CHCHD3: variants seen among roughly 807,000 people sequenced by gnomAD.
CHCHD3 encodes the protein coiled-coil-helix-coiled-coil-helix domain containing 3, also known as MICOS complex subunit MIC19.
Under a neutral mutation model 38.2 loss-of-function variants are expected in CHCHD3, and 20 were observed. The observed-to-expected ratio is 0.52, with a 90% CI of 0.37 to 0.76. The LOEUF is 0.76. Ranked by LOEUF, CHCHD3 falls within the 30% of genes least tolerant of loss-of-function variation. CHCHD3 has a pLI of 0.00. For synonymous variants in CHCHD3, 82 were observed against 100.0 expected, an observed-to-expected ratio of 0.82 and a Z score of 1.07; for missense variants, 245 against 279.2, an observed-to-expected ratio of 0.88 and a Z score of 0.87.
intron 2 of CHCHD3, among the ~76,000 whole-genome samples, chr7:133,040,636 GTCAAAAAAGTA>G (rs1813807567): frequency 6.6e-6 from 1 of 151,924 alleles, no homozygotes; most frequent in Non-Finnish European, 1.5e-5. Flanking sequence ...ATTGTTCTTT[GTCAAAAAAGTA>G]TACAAGCATC....
At chr7:132,951,681 C>G (rs1169070144) in intron 4 of CHCHD3, among the ~76,000 whole-genome samples, 1 of 152,134 alleles carries the variant, frequency 6.6e-6, no homozygotes, top group African/African-American at 2.4e-5. Flanking sequence ...TGTCGCTAAG[C>G]TATAGGACTG....
chr7:132,920,736 T>C (rs1345472059), intron 4 of CHCHD3, among the ~76,000 whole-genome samples: 1 of 152,204 alleles, frequency 6.6e-6, no homozygotes, highest in Non-Finnish European at 1.5e-5. Context: ...AGGCTTGCTA[T>C]GCCTCAAAAT....
chr7:132,936,631 T>C (rs1211614388), intron 4 of CHCHD3, among the ~76,000 whole-genome samples: 2 of 152,222 alleles, frequency 1.3e-5, no homozygotes, highest in African/African-American at 4.8e-5. Flanking sequence ...AGAAACCACA[T>C]GCTGTGTTCT....
chr7:132,854,642 G>A (rs930329725), intron 5 of CHCHD3, among the ~76,000 whole-genome samples: 3 of 152,076 alleles, frequency 2.0e-5, no homozygotes, highest in African/African-American at 7.2e-5. Flanking sequence ...ATTTATTATT[G>A]GTATCTCTGA....
chr7:132,808,722 T>A (rs1361909589), intron 6 of CHCHD3, among the ~76,000 whole-genome samples: 1 of 143,104 alleles, frequency 7.0e-6, no homozygotes, highest in African/African-American at 2.5e-5. Flanking sequence ...GTTCTTTTGT[T>A]GTTATTTATT....
At chr7:132,966,334 C>T (rs767683102) in intron 4 of CHCHD3, among the ~76,000 whole-genome samples, 16 of 152,106 alleles carry the variant, frequency 1.1e-4, no homozygotes, top group Non-Finnish European at 2.2e-4. Flanking sequence ...GGAATAGTTA[C>T]AAGATACATG....
chr7:133,066,707 C>A (rs1814680048), intron 2 of CHCHD3, among the ~76,000 whole-genome samples: 1 of 152,110 alleles, frequency 6.6e-6, no homozygotes, highest in African/African-American at 2.4e-5. Context: ...GCTCTTCGGG[C>A]CAGACACACC....
chr7:132,844,528 G>C (rs968275072), intron 5 of CHCHD3, among the ~76,000 whole-genome samples: 1 of 152,164 alleles, frequency 6.6e-6, no homozygotes, highest in Non-Finnish European at 1.5e-5. Context: ...CCAATGGTAC[G>C]GTTAATGTAA....
rs150816250 is a variant in CHCHD3, at chr7:132,971,786, C to T, written c.369+3383G>A. The stretch of plus-strand genomic sequence containing the variant: ...TCCTGCAGACTGCAACATTTGAGTT[C>T]TAAATAAAGAGGAACGAAGCAATGC... On this transcript the variant is annotated intron_variant, in intron 4 of 7. Coordinates refer to ENST00000262570, the MANE Select transcript of CHCHD3 (RefSeq NM_017812.4). Among the ~76,000 whole-genome samples the T allele has an allele frequency of 6.0e-3, 910 of 152,258 alleles. 6 individuals carry two copies. Among genetic ancestry groups the T allele is most frequent in the Non-Finnish European group, 9.1e-3 (616 of 68,008 alleles).
chr7:132,802,393 T>C (rs939995006), intron 6 of CHCHD3, among the ~76,000 whole-genome samples: 3 of 152,094 alleles, frequency 2.0e-5, no homozygotes, highest in African/African-American at 7.2e-5. Flanking sequence ...TCTTGGGATC[T>C]TGCCAACTGC....
intron 4 of CHCHD3, among the ~76,000 whole-genome samples, chr7:132,888,239 T>C (rs58277337): frequency 0.021 from 3,179 of 151,982 alleles, 134 homozygotes; most frequent in African/African-American, 0.072. Context: ...GGTAGACTTA[T>C]GGGCGGTATC....
At chr7:132,813,937 A>G (rs904005713) in intron 6 of CHCHD3, among the ~76,000 whole-genome samples, 2 of 152,236 alleles carry the variant, frequency 1.3e-5, no homozygotes, top group Non-Finnish European at 2.9e-5. Context: ...GGGGAGCAAC[A>G]GTCCACCCTA....
intron 4 of CHCHD3, among the ~76,000 whole-genome samples, chr7:132,888,802 T>G (rs1809284078): frequency 6.6e-6 from 1 of 151,806 alleles, no homozygotes; most frequent in Non-Finnish European, 1.5e-5. Flanking sequence ...AAATATTAAG[T>G]GAGAAAAAAA....
intron 6 of CHCHD3, among the ~76,000 whole-genome samples, chr7:132,809,844 CA>C (rs1807022883): frequency 6.6e-6 from 1 of 152,180 alleles, no homozygotes. Context: ...GCACTATCTA[CA>C]GCAGCGATAA....
intron 3 of CHCHD3, among the ~76,000 whole-genome samples, chr7:132,987,739 G>C (rs2117363110): frequency 6.6e-6 from 1 of 152,148 alleles, no homozygotes; most frequent in Non-Finnish European, 1.5e-5. Flanking sequence ...GTACCATGTA[G>C]AAACATTTTT....
At chr7:132,890,997 A>G (rs1462134764) in intron 4 of CHCHD3, among the ~76,000 whole-genome samples, 1 of 152,358 alleles carries the variant, frequency 6.6e-6, no homozygotes, top group South Asian at 2.1e-4. Flanking sequence ...TAAGAAAATT[A>G]TATGCTGACA....
chr7:132,989,749 G>A lies in CHCHD3; in HGVS notation c.252-14463C>T, dbSNP rs1584625955. 1.3e-5 allele frequency among the ~76,000 whole-genome samples: 2 copies of A among 152,100 alleles called. 1 individual carries two copies. The highest frequency in any genetic ancestry group is 1.3e-4 in the Admixed American group (2 of 15,272). ...AATTCACAACCAAAACTACCTAGGA[G>A]GAAATTACACAACACCACAAAGTAT... On this transcript the variant is annotated intron_variant, in intron 3 of 7. Coordinates refer to ENST00000262570, the MANE Select transcript of CHCHD3 (RefSeq NM_017812.4).
At chr7:132,914,196 G>T (rs1399267557) in intron 4 of CHCHD3, among the ~76,000 whole-genome samples, 1 of 150,864 alleles carries the variant, frequency 6.6e-6, no homozygotes, top group Admixed American at 6.6e-5. Flanking sequence ...CACCATGTTG[G>T]CCAGGATGAT....
intron 4 of CHCHD3, among the ~76,000 whole-genome samples, chr7:132,963,168 A>G (rs1414577443): frequency 2.7e-5 from 4 of 149,002 alleles, no homozygotes; most frequent in Non-Finnish European, 5.9e-5. Flanking sequence ...ATATATATAT[A>G]TAATATATGT....
Sources: gnomAD v4.1 joint callset for allele counts (sites outside exome capture counted in the v4.1 genomes callset) on GRCh38, gnomAD v4.1.1 for gene constraint, MANE v1.5 for transcripts, NCBI Gene and HGNC (gene_info 2026-07-23, HGNC 2026-07-21) for gene names.